The following LRRC4C variants were observed in gnomAD, a reference collection of about 807,000 sequenced individuals.
LRRC4C encodes leucine-rich repeat-containing protein 4C.
LRRC4C carries 5 observed loss-of-function variants against 33.6 expected under a neutral mutation model. The observed-to-expected ratio is 0.15, with a 90% CI of 0.08 to 0.31. LRRC4C has a LOEUF of 0.31. LRRC4C is among the 10% of genes least tolerant of loss of function. LRRC4C has a pLI of 1.00. For missense variants in LRRC4C, 560 were observed against 796.7 expected (o/e 0.70, Z 3.58); for synonymous variants, 329 against 302.0 (o/e 1.09, Z -0.93).
chr11:41,293,564 GTTATTTTATTTTT>G (rs938774284), intron 1 of LRRC4C, among the ~76,000 whole-genome samples: 2 of 151,662 alleles, frequency 1.3e-5, no homozygotes, highest in Non-Finnish European at 1.5e-5. Context: ...CACTAATCAT[GTTATTTTATTTTT>G]TTATTTTATT....
At chr11:40,257,698 GA>G (rs1293471592) in intron 4 of LRRC4C, among the ~76,000 whole-genome samples, 5 of 152,156 alleles carry the variant, frequency 3.3e-5, no homozygotes, top group African/African-American at 4.8e-5. Context: ...AAGACTTAAG[GA>G]AGAGATAAAC....
intron 1 of LRRC4C, among the ~76,000 whole-genome samples, chr11:41,448,122 G>GTTTTT (rs71063918): frequency 0.065 from 3,066 of 46,826 alleles, 595 homozygotes; most frequent in African/African-American, 0.22. Flanking sequence ...GCACACGTCT[G>GTTTTT]TTTTTTTTTT....
At chr11:41,372,811 A>G (rs1952801919) in intron 1 of LRRC4C, among the ~76,000 whole-genome samples, 1 of 151,524 alleles carries the variant, frequency 6.6e-6, no homozygotes, top group South Asian at 2.1e-4. Context: ...AAAGAGTAAC[A>G]GAGTCATATA....
intron 1 of LRRC4C, among the ~76,000 whole-genome samples, chr11:41,299,308 C>T (rs1327723555): frequency 3.9e-5 from 6 of 152,168 alleles, no homozygotes; most frequent in Middle Eastern, 3.4e-3. Context: ...ACAATAATAT[C>T]AAACTTTCTT....
At chr11:41,274,468 C>A (rs1445890122) in intron 1 of LRRC4C, among the ~76,000 whole-genome samples, 1 of 152,046 alleles carries the variant, frequency 6.6e-6, no homozygotes, top group African/African-American at 2.4e-5. Flanking sequence ...GCTAATGGAC[C>A]AGATGTGGAG....
chr11:41,129,671 A>G (rs910014040), intron 1 of LRRC4C, among the ~76,000 whole-genome samples: 2 of 151,974 alleles, frequency 1.3e-5, no homozygotes, highest in African/African-American at 4.8e-5. Context: ...TATTTTATTC[A>G]TAATTTCCAA....
intron 2 of LRRC4C, among the ~76,000 whole-genome samples, chr11:40,657,096 C>T (rs1406920302): frequency 1.3e-5 from 2 of 152,084 alleles, no homozygotes; most frequent in African/African-American, 4.8e-5. Context: ...ATCCTAAAGA[C>T]AATTTTAAAA....
chr11:41,279,422 A>AC (rs1178054658), intron 1 of LRRC4C, among the ~76,000 whole-genome samples: 1 of 138,314 alleles, frequency 7.2e-6, no homozygotes, highest in East Asian at 2.4e-4. Context: ...ACACACACAC[A>AC]CACACACCGT....
At chr11:40,212,212 A>G (rs917866993) in intron 5 of LRRC4C, among the ~76,000 whole-genome samples, 3 of 152,156 alleles carry the variant, frequency 2.0e-5, no homozygotes, top group Non-Finnish European at 4.4e-5. Flanking sequence ...CTATTGTATC[A>G]TCATTGTTCT....
intron 5 of LRRC4C, among the ~76,000 whole-genome samples, chr11:40,217,463 T>C (rs948418873): frequency 6.6e-6 from 1 of 152,068 alleles, no homozygotes; most frequent in African/African-American, 2.4e-5. Flanking sequence ...GGCTCTGGAT[T>C]GAGTCCTGAT....
At chr11:40,635,628 ATTTTTT>A (rs71060975) in intron 3 of LRRC4C, among the ~76,000 whole-genome samples, 12 of 92,198 alleles carry the variant, frequency 1.3e-4, no homozygotes, top group South Asian at 8.1e-4. Flanking sequence ...AAAGAACCAA[ATTTTTT>A]TTTTTTTTTT....
intron 1 of LRRC4C, among the ~76,000 whole-genome samples, chr11:40,989,755 G>A (rs1464004497): frequency 1.3e-5 from 2 of 151,948 alleles, no homozygotes; most frequent in Admixed American, 6.6e-5. Context: ...GTTTTCACAC[G>A]TCAAAAATAA....
chr11:40,465,072 A>G (rs952838046), intron 3 of LRRC4C, among the ~76,000 whole-genome samples: 16 of 151,992 alleles, frequency 1.1e-4, no homozygotes, highest in Non-Finnish European at 2.9e-5. Flanking sequence ...TACTACTAGA[A>G]TATAGTAACT....
chr11:40,353,264 T>C (rs1947499697), intron 3 of LRRC4C, among the ~76,000 whole-genome samples: 1 of 152,134 alleles, frequency 6.6e-6, no homozygotes, highest in African/African-American at 2.4e-5. Context: ...GTTCATTCTT[T>C]TTTATTCTTT....
At chr11:41,175,998 G>A (rs1055443171) in intron 1 of LRRC4C, among the ~76,000 whole-genome samples, 6 of 151,970 alleles carry the variant, frequency 3.9e-5, no homozygotes, top group South Asian at 2.1e-4. Context: ...TTAAGTACTC[G>A]TCCTACGCAT....
At chr11:41,118,280 A>G (rs1445217963) in intron 1 of LRRC4C, among the ~76,000 whole-genome samples, 3 of 152,174 alleles carry the variant, frequency 2.0e-5, no homozygotes, top group Non-Finnish European at 1.5e-5. Flanking sequence ...CTTCCCTCTT[A>G]CATTATGAGG....
intron 1 of LRRC4C, among the ~76,000 whole-genome samples, chr11:41,090,821 C>T: frequency 6.6e-6 from 1 of 152,216 alleles, no homozygotes; most frequent in South Asian, 2.1e-4. Flanking sequence ...CCAGTCACCA[C>T]GTGAAGAAGG....
intron 1 of LRRC4C, among the ~76,000 whole-genome samples, chr11:41,126,013 A>G (rs768769480): frequency 4.5e-4 from 68 of 151,974 alleles, no homozygotes; most frequent in Non-Finnish European, 8.7e-4. Flanking sequence ...AATTGAAAGT[A>G]GAAAGTAGAG....
At chr11:40,945,310 G>A (rs1958348809) in intron 1 of LRRC4C, among the ~76,000 whole-genome samples, 1 of 151,856 alleles carries the variant, frequency 6.6e-6, no homozygotes, top group African/African-American at 2.4e-5. Context: ...TTGAGCCACC[G>A]TGCCCGGGCC....
Sources: allele counts gnomAD v4.1 joint callset (sites outside exome capture counted in the v4.1 genomes callset), GRCh38; gene constraint gnomAD v4.1.1; transcripts MANE v1.5; gene names NCBI Gene and HGNC (gene_info 2026-07-23, HGNC 2026-07-21).